Variants in HMCN1 observed in about 807,000 individuals in gnomAD.
The protein encoded by HMCN1 is hemicentin-1.
Under a neutral mutation model 625.9 loss-of-function variants are expected in HMCN1, and 321 were observed. The ratio of observed to expected loss-of-function variants is 0.51; its 90% CI spans 0.47 to 0.56. HMCN1 has a LOEUF of 0.56. Among genes scored for constraint, HMCN1 ranks in the 20% least tolerant of loss-of-function variants. The pLI is 0.00. For missense variants in HMCN1, 6,588 were observed against 6,887.3 expected (o/e 0.96, Z 1.54); for synonymous variants, 2,425 against 2,417.6 (o/e 1.00, Z -0.09).
chr1:186,042,081 A>G (rs10911805), intron 40 of HMCN1, among the ~76,000 whole-genome samples: 99,396 of 152,050 alleles, frequency 0.65, 34,339 homozygotes, highest in African/African-American at 0.9. Flanking sequence ...CATGGATATC[A>G]TACATATCTA....
intron 46 of HMCN1, among the ~76,000 whole-genome samples, chr1:186,061,214 T>A (rs1657672535): frequency 6.6e-6 from 1 of 152,138 alleles, no homozygotes; most frequent in African/African-American, 2.4e-5. Context: ...AGAGGTTTAA[T>A]TGACTTACAT....
chr1:185,989,650 G>A lies in HMCN1; in HGVS notation c.3208+3G>A, dbSNP rs1281070912. On this transcript the variant is annotated splice_donor_region_variant and intron_variant, in intron 21 of 106. Coordinates refer to ENST00000271588, the MANE Select transcript of HMCN1 (RefSeq NM_031935.3). ...GAAAGTGCAGCTAACAGTCTATGGT[G>A]AGAGCTGGTGGAGGAATGGTTTTTA... The A allele has an allele frequency of 1.2e-6, 2 of 1,613,888 alleles. No homozygotes were observed. Among genetic ancestry groups the A allele is most frequent in the East Asian group, 4.5e-5 (2 of 44,846 alleles).
At chr1:185,933,957 C>G (rs575766286) in intron 11 of HMCN1, 133 bp downstream of exon 11, 1 of 812,732 alleles carries the variant, frequency 1.2e-6, no homozygotes, top group Admixed American at 1.8e-5. Flanking sequence ...TGATAGAATG[C>G]TTAACATACT....
At chr1:186,174,388 T>C in intron 102 of HMCN1, 126 bp from the exon 103 acceptor site, 1 of 1,062,998 alleles carries the variant, frequency 9.4e-7, no homozygotes, top group Non-Finnish European at 1.4e-6. Context: ...AGTTGTAAGC[T>C]GGTATGATCT....
rs571726761 is a variant in HMCN1, at chr1:186,022,558, G to A, written c.5626-472G>A. Among the ~76,000 whole-genome samples, 44 of 152,180 alleles carry A rather than the reference G, an allele frequency of 2.9e-4. 1 individual carries two copies. Among genetic ancestry groups the A allele is most frequent in the African/African-American group, 1.0e-3 (42 of 41,540 alleles). ...GAGGCCAGTTGCAGTAGGTTTAAGA[G>A]GGAAATTGTGAAAAATAGGAAGAAA... On this transcript the variant is annotated intron_variant, in intron 35 of 106. Coordinates refer to ENST00000271588, the MANE Select transcript of HMCN1 (RefSeq NM_031935.3).
intron 46 of HMCN1, among the ~76,000 whole-genome samples, chr1:186,060,687 A>G (rs977557163): frequency 6.6e-6 from 1 of 152,160 alleles, no homozygotes; most frequent in Non-Finnish European, 1.5e-5. Flanking sequence ...GTAGGATTCC[A>G]TGAAGCTTAA....
chr1:185,790,419 T>C (rs1657909436), intron 1 of HMCN1, among the ~76,000 whole-genome samples: 1 of 152,208 alleles, frequency 6.6e-6, no homozygotes, highest in South Asian at 2.1e-4. Context: ...TTGTCTTTTA[T>C]GCTTGGTTTT....
intron 93 of HMCN1, among the ~76,000 whole-genome samples, chr1:186,149,600 C>T (rs1287589052): frequency 6.6e-6 from 1 of 152,176 alleles, no homozygotes; most frequent in African/African-American, 2.4e-5. Context: ...TAATTTTCTT[C>T]AAGACTTCTC....
At chr1:185,891,433 T>C (rs1665074673) in intron 4 of HMCN1, among the ~76,000 whole-genome samples, 1 of 148,514 alleles carries the variant, frequency 6.7e-6, no homozygotes, top group Admixed American at 6.6e-5. Context: ...TTGGCATGAT[T>C]TTGCAGCGGC....
At chr1:185,763,703 C>T (rs749907887) in intron 1 of HMCN1, among the ~76,000 whole-genome samples, 14 of 152,036 alleles carry the variant, frequency 9.2e-5, no homozygotes, top group Non-Finnish European at 1.6e-4. Context: ...ATTTAACAGT[C>T]GCAATTTTGG....
chr1:185,850,646 C>A (rs550245006), intron 2 of HMCN1, among the ~76,000 whole-genome samples: 72 of 152,250 alleles, frequency 4.7e-4, no homozygotes, highest in African/African-American at 1.6e-3. Flanking sequence ...GATACAGACA[C>A]TCTATAAGAT....
intron 1 of HMCN1, among the ~76,000 whole-genome samples, chr1:185,763,170 C>G (rs779616919): frequency 6.6e-6 from 1 of 152,072 alleles, no homozygotes; most frequent in African/African-American, 2.4e-5. Context: ...TGAGGGAGAG[C>G]TGATACCAGA....
chr1:186,060,641 T>TA (rs1243458462), intron 46 of HMCN1, among the ~76,000 whole-genome samples: 7 of 152,166 alleles, frequency 4.6e-5, no homozygotes, highest in Non-Finnish European at 1.0e-4. Flanking sequence ...AGTGTATCAC[T>TA]AGTGCATGAA....
intron 11 of HMCN1, among the ~76,000 whole-genome samples, chr1:185,937,557 G>A (rs1247286715): frequency 6.6e-6 from 1 of 152,076 alleles, no homozygotes. Context: ...CATAACATAA[G>A]GCAAGAACTG....
chr1:186,111,090 C>A (rs1210879378), intron 71 of HMCN1, among the ~76,000 whole-genome samples: 1 of 148,630 alleles, frequency 6.7e-6, no homozygotes, highest in African/African-American at 2.5e-5. Flanking sequence ...ACGCCATTCT[C>A]CTGCCTCAGC....
chr1:186,123,081 G>A lies in HMCN1; in HGVS notation c.12360G>A (p.Val4120=), dbSNP rs1363399536. 1 of 1,614,128 alleles carries A rather than the reference G, an allele frequency of 6.2e-7. No individual in the cohort carries two copies. Among genetic ancestry groups the A allele is most frequent in the Admixed American group, 1.7e-5 (1 of 60,010 alleles). Residue 4120 remains valine (V), a synonymous_variant, in exon 81 of 107, where the codon GTG becomes GTA. Transcript: ENST00000271588. The part of the protein sequence containing the change: ...ITWHKDGRAI[V]ESIRQRVLSS... The stretch of plus-strand genomic sequence containing the variant: ...GGCATAAAGATGGGCGTGCAATTGT[G>A]GAATCTATCCGCCAGCGCGTCCTCA...
intron 36 of HMCN1, among the ~76,000 whole-genome samples, chr1:186,037,001 TCTTA>T (rs1226097060): frequency 6.6e-6 from 1 of 152,142 alleles, no homozygotes; most frequent in Non-Finnish European, 1.5e-5. Flanking sequence ...ATTTCTGCCA[TCTTA>T]CTTATTTCTA....
At chr1:186,016,924 A>G (rs1257779795) in intron 32 of HMCN1, 39 bp from the exon 33 acceptor site, 7 of 1,105,714 alleles carry the variant, frequency 6.3e-6, no homozygotes, top group South Asian at 4.9e-5. Context: ...TTTTTGTTGT[A>G]TACATTTCTT....
intron 100 of HMCN1, among the ~76,000 whole-genome samples, chr1:186,169,892 C>T (rs1411169437): frequency 6.6e-6 from 1 of 151,846 alleles, no homozygotes; most frequent in Non-Finnish European, 1.5e-5. Flanking sequence ...GAACAGGCAA[C>T]CTACAAAATG....
Sources: gnomAD v4.1 joint callset for allele counts (sites outside exome capture counted in the v4.1 genomes callset) on GRCh38, gnomAD v4.1.1 for gene constraint, MANE v1.5 for transcripts, NCBI Gene and HGNC (gene_info 2026-07-23, HGNC 2026-07-21) for gene names.